CAMK1D: variants seen among roughly 807,000 people sequenced by gnomAD.
The protein encoded by CAMK1D is calcium/calmodulin dependent protein kinase ID, also known as calcium/calmodulin-dependent protein kinase type 1D.
Under a neutral mutation model 47.7 loss-of-function variants are expected in CAMK1D, and 9 were observed. That is an observed-to-expected ratio of 0.19 (90% CI 0.11 to 0.33). CAMK1D has a LOEUF of 0.33. CAMK1D is among the 10% of genes least tolerant of loss of function. The probability of loss-of-function intolerance (pLI) is 1.00; values close to 1 mark genes in which losing one functional copy is unlikely to be tolerated. For synonymous variants in CAMK1D, 184 were observed against 184.9 expected, an observed-to-expected ratio of 0.99 and a Z score of 0.04; for missense variants, 291 against 488.7, an observed-to-expected ratio of 0.60 and a Z score of 3.81.
At chr10:12,686,381 G>T (rs549185286) in intron 3 of CAMK1D, among the ~76,000 whole-genome samples, 11 of 152,190 alleles carry the variant, frequency 7.2e-5, no homozygotes, top group African/African-American at 2.4e-4. Context: ...GAGTGCAATG[G>T]TGCGATCTCG....
intron 5 of CAMK1D, among the ~76,000 whole-genome samples, chr10:12,783,150 G>A (rs1026630760): frequency 6.6e-6 from 1 of 151,926 alleles, no homozygotes; most frequent in African/African-American, 2.4e-5. Flanking sequence ...GCACCACCGC[G>A]CCTGGCTAAT....
At chr10:12,623,253 CTCCTTTCTT>C (rs1839076789) in intron 2 of CAMK1D, among the ~76,000 whole-genome samples, 11 of 8,442 alleles carry the variant, frequency 1.3e-3, no homozygotes, top group East Asian at 9.4e-3. Flanking sequence ...TCCTTCCTCC[CTCCTTTCTT>C]TCCTTCCTCC....
chr10:12,549,686 T>A lies in CAMK1D; in HGVS notation c.93-3539T>A, dbSNP rs73575090. Reference sequence around the variant, plus strand: ...CATGTTGTGTCAAGCCTGGGCTGTTTAGCACGTGACTCTCTTGACATAACT... The same window carrying A: ...CATGTTGTGTCAAGCCTGGGCTGTTAAGCACGTGACTCTCTTGACATAACT... On this transcript the variant is annotated intron_variant, in intron 1 of 10. Coordinates refer to ENST00000619168, the MANE Select transcript of CAMK1D (RefSeq NM_153498.4). Among the ~76,000 whole-genome samples the A allele has an allele frequency of 3.6e-3, 553 of 152,344 alleles. 7 individuals are homozygous for A. Among genetic ancestry groups the A allele is most frequent in the African/African-American group, 0.013 (540 of 41,574 alleles).
intron 1 of CAMK1D, among the ~76,000 whole-genome samples, chr10:12,407,240 G>A (rs867191065): frequency 6.6e-6 from 1 of 152,194 alleles, no homozygotes; most frequent in African/African-American, 2.4e-5. Flanking sequence ...CTGGCAGGGC[G>A]GGCAGAGCCG....
chr10:12,671,605 GTA>G (rs916520885), intron 3 of CAMK1D, among the ~76,000 whole-genome samples: 11 of 148,272 alleles, frequency 7.4e-5, no homozygotes, highest in Non-Finnish European at 1.2e-4. Context: ...TTGGAGATAT[GTA>G]TATATATATA....
intron 2 of CAMK1D, among the ~76,000 whole-genome samples, chr10:12,592,509 C>T (rs1205418236): frequency 3.3e-5 from 5 of 152,196 alleles, no homozygotes; most frequent in East Asian, 1.9e-4. Flanking sequence ...GAGGGGTAGG[C>T]GACAGGGATT....
intron 1 of CAMK1D, among the ~76,000 whole-genome samples, chr10:12,514,158 C>A (rs2132169781): frequency 6.6e-6 from 1 of 152,262 alleles, no homozygotes. Flanking sequence ...GGTGAGATTT[C>A]ATTAATGTGA....
intron 1 of CAMK1D, among the ~76,000 whole-genome samples, chr10:12,483,191 T>C (rs1834115190): frequency 6.6e-6 from 1 of 152,258 alleles, no homozygotes; most frequent in East Asian, 1.9e-4. Flanking sequence ...TCTCATGCTT[T>C]ATATTTTAAT....
At chr10:12,462,120 A>G (rs1202340807) in intron 1 of CAMK1D, among the ~76,000 whole-genome samples, 3 of 147,626 alleles carry the variant, frequency 2.0e-5, no homozygotes, top group Non-Finnish European at 3.0e-5. Context: ...ATTTTTCATT[A>G]CTAAATGGAT....
chr10:12,572,050 A>C (rs948378165), intron 2 of CAMK1D, among the ~76,000 whole-genome samples: 3 of 139,968 alleles, frequency 2.1e-5, no homozygotes, highest in African/African-American at 5.8e-5. Context: ...CCCCCCCCCA[A>C]AAAAAAAGTT....
chr10:12,409,666 GT>G (rs1449451433), intron 1 of CAMK1D, among the ~76,000 whole-genome samples: 2 of 152,208 alleles, frequency 1.3e-5, no homozygotes, highest in Non-Finnish European at 2.9e-5. Context: ...ACCATTCTGT[GT>G]TTTTGGTATA....
chr10:12,779,797 A>G (rs1837412648), intron 5 of CAMK1D, among the ~76,000 whole-genome samples: 2 of 143,104 alleles, frequency 1.4e-5, no homozygotes, highest in South Asian at 4.4e-4. Flanking sequence ...TGTGGAGTGC[A>G]CAACCACAGC....
intron 1 of CAMK1D, among the ~76,000 whole-genome samples, chr10:12,402,654 G>A (rs1407783418): frequency 2.0e-5 from 3 of 152,152 alleles, no homozygotes; most frequent in Admixed American, 6.5e-5. Context: ...TAAATTGCTC[G>A]TGGAGTCCTG....
chr10:12,461,364 T>C (rs1833416603), intron 1 of CAMK1D, among the ~76,000 whole-genome samples: 1 of 152,208 alleles, frequency 6.6e-6, no homozygotes, highest in Admixed American at 6.5e-5. Flanking sequence ...GATTCTTTAA[T>C]GCTTTTTACT....
At chr10:12,556,262 T>C (rs1246824301) in intron 2 of CAMK1D, among the ~76,000 whole-genome samples, 1 of 152,232 alleles carries the variant, frequency 6.6e-6, no homozygotes, top group Admixed American at 6.5e-5. Flanking sequence ...ACTCAGAATG[T>C]TGTCATGGAG....
intron 1 of CAMK1D, among the ~76,000 whole-genome samples, chr10:12,480,503 T>C (rs1834033996): frequency 1.3e-5 from 2 of 152,188 alleles, no homozygotes; most frequent in South Asian, 4.1e-4. Context: ...AGCCATTATT[T>C]GCTAGGTACC....
intron 3 of CAMK1D, among the ~76,000 whole-genome samples, chr10:12,690,712 G>A (rs1419812519): frequency 6.6e-6 from 1 of 152,184 alleles, no homozygotes; most frequent in Admixed American, 6.5e-5. Flanking sequence ...ATAAAGCCAT[G>A]AGGCCAGTCC....
chr10:12,707,200 C>T (rs2399840), intron 3 of CAMK1D, among the ~76,000 whole-genome samples: 136,137 of 152,244 alleles, frequency 0.89, 61,780 homozygotes, highest in Non-Finnish European at 0.97. Context: ...TGCTTAAAAA[C>T]AGAATTCAGA....
In CAMK1D at chr10:12,420,562, C is replaced by CT. The variant is rs909324070; in HGVS notation, c.92+70662dup. Among the ~76,000 whole-genome samples, 207 of 148,742 alleles carry CT rather than the reference C, an allele frequency of 1.4e-3. 1 individual carries two copies. The highest frequency in any genetic ancestry group is 4.7e-3 in the African/African-American group (189 of 40,592). The stretch of plus-strand genomic sequence containing the variant: ...GGTGGACACCTTAGTCAAATATACT[C>CT]TTTTTTTTTTAATTGTCTAGAAAAA... On this transcript the variant is annotated intron_variant, in intron 1 of 10. Transcript: ENST00000619168.
Sources: allele counts gnomAD v4.1 joint callset (sites outside exome capture counted in the v4.1 genomes callset), GRCh38; gene constraint gnomAD v4.1.1; transcripts MANE v1.5; gene names NCBI Gene and HGNC (gene_info 2026-07-23, HGNC 2026-07-21).